Variants in FRMPD4 observed in about 807,000 individuals in gnomAD.
FRMPD4 encodes FERM and PDZ domain containing 4, also known as FERM and PDZ domain-containing protein 4.
FRMPD4 carries 22 observed loss-of-function variants against 94.1 expected under a neutral mutation model. The ratio of observed to expected loss-of-function variants is 0.23; its 90% CI spans 0.17 to 0.33. The LOEUF (loss-of-function observed/expected upper bound fraction) is 0.33. Among genes scored for constraint, FRMPD4 ranks in the 10% least tolerant of loss-of-function variants. The pLI is 1.00. For synonymous variants in FRMPD4, 631 were observed against 548.6 expected (o/e 1.15, Z -2.10); for missense variants, 1,111 against 1,339.9 (o/e 0.83, Z 2.67).
intron 1 of FRMPD4, among the ~76,000 whole-genome samples, chrX:12,495,631 G>A (rs538055359): frequency 3.6e-5 from 4 of 111,336 alleles, no homozygotes; most frequent in East Asian, 5.6e-4. Flanking sequence ...AGGTGATGCC[G>A]CTATTGCTGC....
At chrX:11,844,720 T>C (rs1340472975) in intron 1 of FRMPD4, among the ~76,000 whole-genome samples, 1 of 112,416 alleles carries the variant, frequency 8.9e-6, no homozygotes, top group Non-Finnish European at 1.9e-5. Context: ...ACTTGGAGTT[T>C]GTTGAGTTAT....
chrX:12,088,342 C>A (rs1221250152), intron 3 of FRMPD4, among the ~76,000 whole-genome samples: 1 of 111,199 alleles, frequency 9.0e-6, no homozygotes, highest in Non-Finnish European at 1.9e-5. Context: ...AACACTAATC[C>A]CATTCATGAG....
chrX:11,948,145 G>A (rs1361404494), intron 3 of FRMPD4, among the ~76,000 whole-genome samples: 1 of 108,648 alleles, frequency 9.2e-6, no homozygotes, highest in Non-Finnish European at 1.9e-5. Flanking sequence ...ATAAGAGAAG[G>A]CAATTGCCTA....
At chrX:12,563,754 T>G (rs1477769619) in intron 2 of FRMPD4, among the ~76,000 whole-genome samples, 1 of 112,371 alleles carries the variant, frequency 8.9e-6, no homozygotes, top group Non-Finnish European at 1.9e-5. Context: ...CTGACTGGTC[T>G]GGAATGCTTC....
intron 4 of FRMPD4, among the ~76,000 whole-genome samples, chrX:12,662,931 T>G (rs2059732627): frequency 8.9e-6 from 1 of 112,678 alleles, no homozygotes; most frequent in African/African-American, 3.2e-5. Context: ...GTGGTTTTAA[T>G]TTGCATTTCT....
chrX:11,907,454 A>G (rs1214452540), intron 3 of FRMPD4, among the ~76,000 whole-genome samples: 1 of 112,336 alleles, frequency 8.9e-6, no homozygotes, highest in Non-Finnish European at 1.9e-5. Flanking sequence ...TAAACAACAT[A>G]CATTTATTTC....
intron 2 of FRMPD4, among the ~76,000 whole-genome samples, chrX:12,576,413 T>C (rs773658108): frequency 9.7e-5 from 11 of 112,833 alleles, no homozygotes; most frequent in African/African-American, 2.3e-4. Context: ...CCCTGAGATA[T>C]GTCTGGGTCT....
chrX:11,921,201 G>A (rs1223000565), intron 3 of FRMPD4, among the ~76,000 whole-genome samples: 1 of 111,903 alleles, frequency 8.9e-6, no homozygotes, highest in Non-Finnish European at 1.9e-5. Flanking sequence ...TTTTCTCACA[G>A]TCCTGGAGGC....
intron 4 of FRMPD4, among the ~76,000 whole-genome samples, chrX:12,647,343 A>G (rs955770468): frequency 4.5e-5 from 5 of 112,250 alleles, no homozygotes; most frequent in Non-Finnish European, 7.5e-5. Flanking sequence ...ACTGTGGGCA[A>G]CTGGAGCTTC....
chrX:12,661,643 A>G (rs2059714957), intron 4 of FRMPD4, among the ~76,000 whole-genome samples: 1 of 112,081 alleles, frequency 8.9e-6, no homozygotes, highest in African/African-American at 3.2e-5. Context: ...CAATGAGCAG[A>G]GTGTAAATGC....
chrX:12,480,333 G>GAAAAAAAAAA (rs35074731), intron 1 of FRMPD4, among the ~76,000 whole-genome samples: 31 of 54,622 alleles, frequency 5.7e-4, no homozygotes, highest in Admixed American at 1.0e-3. Context: ...GAAAAGAAAT[G>GAAAAAAAAAA]AAAAAAAAAA....
intron 4 of FRMPD4, among the ~76,000 whole-genome samples, chrX:12,672,006 T>C (rs968990449): frequency 8.9e-6 from 1 of 111,921 alleles, no homozygotes; most frequent in Non-Finnish European, 1.9e-5. Context: ...CTCCACAAAA[T>C]TCCTCCTTTT....
Position 12,652,641 on chromosome X carries a change from G to A in FRMPD4, c.423-22222G>A, listed in dbSNP as rs750676509. On this transcript the variant is annotated intron_variant, in intron 4 of 16. Coordinates refer to ENST00000675598, the MANE Select transcript of FRMPD4 (RefSeq NM_001368397.1). The stretch of plus-strand genomic sequence containing the variant: ...AATATTTTGATATTTTTCCTTCTGT[G>A]TCTGGAAATAAGTGTTTCTTTCTCA... Among the ~76,000 whole-genome samples the A allele has an allele frequency of 5.4e-5, 6 of 111,889 alleles. No individual in the cohort carries two copies. The East Asian group carries it at 1.4e-3, about 26-fold the overall frequency.
chrX:12,441,706 A>C (rs1481184651), intron 1 of FRMPD4, among the ~76,000 whole-genome samples: 3 of 112,332 alleles, frequency 2.7e-5, no homozygotes, highest in Admixed American at 1.9e-4. Context: ...GGAATAAATG[A>C]ATGGTGTAGT....
chrX:12,056,100 A>C (rs2054852700), intron 3 of FRMPD4, among the ~76,000 whole-genome samples: 1 of 112,056 alleles, frequency 8.9e-6, no homozygotes, highest in South Asian at 3.7e-4. Flanking sequence ...ACAAACTAAA[A>C]ATTTGTACAT....
At chrX:12,703,564 G>C (rs144476161) in intron 10 of FRMPD4, among the ~76,000 whole-genome samples, 3,775 of 111,926 alleles carry the variant, frequency 0.034, 179 homozygotes, top group African/African-American at 0.12. Context: ...AGAAGACACT[G>C]GTTAGACACA....
intron 1 of FRMPD4, among the ~76,000 whole-genome samples, chrX:12,344,868 C>T (rs1449723275): frequency 8.9e-6 from 1 of 111,932 alleles, no homozygotes; most frequent in African/African-American, 3.3e-5. Context: ...AAATCTAACT[C>T]TGAAATTCTC....
intron 1 of FRMPD4, among the ~76,000 whole-genome samples, chrX:12,379,107 G>C (rs1462679502): frequency 3.6e-5 from 4 of 112,016 alleles, no homozygotes; most frequent in Non-Finnish European, 7.5e-5. Flanking sequence ...TCCTTAGGGG[G>C]CAATCTTGAG....
chrX:12,379,510 ATTTTC>A (rs2056289484), intron 1 of FRMPD4, among the ~76,000 whole-genome samples: 1 of 111,496 alleles, frequency 9.0e-6, no homozygotes, highest in South Asian at 3.8e-4. Flanking sequence ...TCTTCAAGGT[ATTTTC>A]TTTTATCACC....
Sources: gnomAD v4.1 joint callset for allele counts (sites outside exome capture counted in the v4.1 genomes callset) on GRCh38, gnomAD v4.1.1 for gene constraint, MANE v1.5 for transcripts, NCBI Gene and HGNC (gene_info 2026-07-23, HGNC 2026-07-21) for gene names.